Variants in RAB3C observed in about 807,000 individuals in gnomAD.
RAB3C encodes RAB3C, member RAS oncogene family, also known as ras-related protein Rab-3C.
Under a neutral mutation model 26.4 loss-of-function variants are expected in RAB3C, and 17 were observed. The observed-to-expected ratio is 0.64, with a 90% CI of 0.44 to 0.97. RAB3C has a LOEUF of 0.97. Ranked by LOEUF, RAB3C falls within the 50% of genes least tolerant of loss-of-function variation. The pLI is 0.00. For missense variants in RAB3C, 242 were observed against 281.9 expected, an observed-to-expected ratio of 0.86 and a Z score of 1.01; for synonymous variants, 91 against 95.9, an observed-to-expected ratio of 0.95 and a Z score of 0.30.
chr5:58,599,634 C>G (rs975519143), intron 1 of RAB3C, among the ~76,000 whole-genome samples: 13 of 152,060 alleles, frequency 8.5e-5, no homozygotes, highest in Non-Finnish European at 4.4e-5. Context: ...GAACACTGGC[C>G]TTTGATACTA....
At chr5:58,828,987 C>G (rs299917) in intron 4 of RAB3C, among the ~76,000 whole-genome samples, 3,762 of 149,620 alleles carry the variant, frequency 0.025, 84 homozygotes, top group Non-Finnish European at 0.035. Flanking sequence ...CACTGCAACC[C>G]CTGCCTCCTG....
chr5:58,799,864 A>G (rs955294140), intron 3 of RAB3C, among the ~76,000 whole-genome samples: 11 of 152,378 alleles, frequency 7.2e-5, no homozygotes, highest in South Asian at 6.2e-4. Flanking sequence ...ATAGAAGTCA[A>G]TGTAATATAC....
chr5:58,738,616 A>G (rs1019161317), intron 3 of RAB3C, among the ~76,000 whole-genome samples: 4 of 152,204 alleles, frequency 2.6e-5, no homozygotes, highest in Admixed American at 1.3e-4. Context: ...ATAAATATTG[A>G]CACTACAGGG....
chr5:58,730,431 A>T (rs1427049307), intron 3 of RAB3C, among the ~76,000 whole-genome samples: 5 of 152,058 alleles, frequency 3.3e-5, no homozygotes, highest in Admixed American at 3.3e-4. Context: ...GTTGTGGGTG[A>T]GGAAGCTTGC....
intron 1 of RAB3C, among the ~76,000 whole-genome samples, chr5:58,597,767 CATATAAT>C (rs1561261250): frequency 2.4e-5 from 1 of 42,090 alleles, no homozygotes; most frequent in African/African-American, 6.5e-5. Context: ...AAGTATATAA[CATATAAT>C]ACATTATATA....
intron 3 of RAB3C, among the ~76,000 whole-genome samples, chr5:58,762,239 C>A (rs989012327): frequency 1.3e-5 from 2 of 152,064 alleles, no homozygotes; most frequent in African/African-American, 4.8e-5. Context: ...ATGGTGCAAA[C>A]CCTTAGGAGC....
chr5:58,643,475 A>C (rs960728946), intron 2 of RAB3C, among the ~76,000 whole-genome samples: 12 of 151,660 alleles, frequency 7.9e-5, no homozygotes, highest in Non-Finnish European at 1.3e-4. Context: ...TTTTCTTTCT[A>C]TATAGCTTAG....
intron 3 of RAB3C, among the ~76,000 whole-genome samples, chr5:58,742,742 C>A (rs1430145266): frequency 6.6e-6 from 1 of 152,026 alleles, no homozygotes; most frequent in African/African-American, 2.4e-5. Context: ...TGAGTGCTTT[C>A]TGAATTGACA....
intron 2 of RAB3C, among the ~76,000 whole-genome samples, chr5:58,642,910 G>A (rs1313200935): frequency 6.6e-6 from 1 of 152,194 alleles, no homozygotes; most frequent in Non-Finnish European, 1.5e-5. Context: ...TGGCCACACA[G>A]AGGCAAGATT....
chr5:58,799,767 G>A (rs747209568), intron 3 of RAB3C, among the ~76,000 whole-genome samples: 1 of 152,098 alleles, frequency 6.6e-6, no homozygotes, highest in Non-Finnish European at 1.5e-5. Context: ...CTTGTAGCAT[G>A]CTGGGATCTA....
intron 2 of RAB3C, among the ~76,000 whole-genome samples, chr5:58,625,262 A>G (rs1307177966): frequency 6.6e-6 from 1 of 152,186 alleles, no homozygotes; most frequent in Non-Finnish European, 1.5e-5. Flanking sequence ...TGGTATTAAT[A>G]TTGCTCTTTA....
intron 2 of RAB3C, among the ~76,000 whole-genome samples, chr5:58,625,275 A>G (rs1303224704): frequency 1.3e-5 from 2 of 152,172 alleles, no homozygotes; most frequent in Admixed American, 6.5e-5. Flanking sequence ...GCTCTTTATA[A>G]GGTAAGAGGA....
intron 3 of RAB3C, among the ~76,000 whole-genome samples, chr5:58,804,882 T>C (rs563243787): frequency 6.6e-6 from 1 of 152,102 alleles, no homozygotes; most frequent in Non-Finnish European, 1.5e-5. Flanking sequence ...ATAATGTTTT[T>C]GTGTGGTCAC....
chr5:58,819,243 A>G (rs988038644), intron 3 of RAB3C, among the ~76,000 whole-genome samples: 9 of 152,196 alleles, frequency 5.9e-5, no homozygotes, highest in African/African-American at 2.2e-4. Flanking sequence ...ACAGATGAAG[A>G]TACTGAACTA....
chr5:58,619,864 CT>C (rs36112075), intron 2 of RAB3C, among the ~76,000 whole-genome samples: 6,234 of 147,734 alleles, frequency 0.042, 231 homozygotes, highest in African/African-American at 0.11. Flanking sequence ...ATTCACTCAC[CT>C]TTTTTTTTTG....
At chr5:58,786,144 A>G (rs1166068910) in intron 3 of RAB3C, among the ~76,000 whole-genome samples, 1 of 152,260 alleles carries the variant, frequency 6.6e-6, no homozygotes, top group Non-Finnish European at 1.5e-5. Flanking sequence ...GAACAGCAGC[A>G]ATAGGAAAGT....
chr5:58,777,507 T>C (rs1276894538), intron 3 of RAB3C, among the ~76,000 whole-genome samples: 1 of 152,064 alleles, frequency 6.6e-6, no homozygotes, highest in East Asian at 1.9e-4. Flanking sequence ...CATATAGCAC[T>C]ATAACATCTT....
At chr5:58,712,027 A>T (rs986246628) in intron 2 of RAB3C, among the ~76,000 whole-genome samples, 5 of 152,168 alleles carry the variant, frequency 3.3e-5, no homozygotes, top group Admixed American at 2.6e-4. Flanking sequence ...CCTTTTTGCC[A>T]TGATTGTGAT....
chr5:58,816,793 G>A (rs1383801413), intron 3 of RAB3C, among the ~76,000 whole-genome samples: 2 of 152,162 alleles, frequency 1.3e-5, no homozygotes, highest in South Asian at 2.1e-4. Context: ...AAGACGGAGG[G>A]TAGCAAGAGA....
Sources: gnomAD v4.1 joint callset for allele counts (sites outside exome capture counted in the v4.1 genomes callset) on GRCh38, gnomAD v4.1.1 for gene constraint, MANE v1.5 for transcripts, NCBI Gene and HGNC (gene_info 2026-07-23, HGNC 2026-07-21) for gene names.